MDH1B: variants seen among roughly 807,000 people sequenced by gnomAD.
MDH1B encodes putative malate dehydrogenase 1B.
MDH1B carries 60 observed loss-of-function variants against 61.4 expected under a neutral mutation model. The observed-to-expected ratio is 0.98, with a 90% CI of 0.79 to 1.21. MDH1B has a LOEUF of 1.21. Ranked by LOEUF, MDH1B falls within the 50% of genes most tolerant of loss-of-function variation. MDH1B has a pLI of 0.00. For missense variants in MDH1B, 587 were observed against 632.1 expected (o/e 0.93, Z 0.76); for synonymous variants, 236 against 218.7 (o/e 1.08, Z -0.70).
Position 206,765,281 on chromosome 2 carries a change from A to T in MDH1B, c.-10T>A. On this transcript the variant is annotated 5_prime_UTR_variant, in exon 1 of 12. Coordinates refer to ENST00000374412, the MANE Select transcript of MDH1B (RefSeq NM_001039845.3). ...TGACGAATTTGGCCATGGTCGAGAG[A>T]GACTCAGAGGCAGGGACCGCGGCTT... 6.3e-7 allele frequency: 1 copy of T among 1,599,598 alleles called. No homozygotes were observed. Among genetic ancestry groups the T allele is most frequent in the Non-Finnish European group, 8.5e-7 (1 of 1,175,248 alleles).
chr2:206,748,891 T>G (rs914698483), intron 7 of MDH1B, 129 bp downstream of exon 7: 10 of 703,838 alleles, frequency 1.4e-5, no homozygotes, highest in South Asian at 2.2e-5. Context: ...TGAATGAGTA[T>G]GAAATTGTAA....
chr2:206,753,174 C>A (rs1688550842), intron 5 of MDH1B, among the ~76,000 whole-genome samples: 1 of 152,094 alleles, frequency 6.6e-6, no homozygotes, highest in African/African-American at 2.4e-5. Flanking sequence ...GCAGAGAGAG[C>A]ACAGGTATGT....
At chr2:206,754,210 C>G (rs1688619775) in intron 5 of MDH1B, among the ~76,000 whole-genome samples, 1 of 152,184 alleles carries the variant, frequency 6.6e-6, no homozygotes, top group South Asian at 2.1e-4. Flanking sequence ...TGGGAACATT[C>G]TAGGCTCACA....
chr2:206,751,170 T>C (rs1171838331), intron 5 of MDH1B, 95 bp from the exon 6 acceptor site: 2 of 857,496 alleles, frequency 2.3e-6, no homozygotes, highest in African/African-American at 1.7e-5. Context: ...CATGTTTGTT[T>C]TAGGATTGGT....
intron 5 of MDH1B, among the ~76,000 whole-genome samples, chr2:206,753,681 T>G (rs1399878131): frequency 6.6e-6 from 1 of 152,266 alleles, no homozygotes; most frequent in Non-Finnish European, 1.5e-5. Flanking sequence ...GCTGTCTCTT[T>G]GCTGCCTCAC....
At position 206,755,222 on chromosome 2, in the gene MDH1B, C is replaced by A. The variant is rs752105350; in HGVS notation, c.697G>T (p.Val233Leu). ...FTLEDCLRSR[V>L]PLCRLYGYLI... ...TACCCATAGAGCCTGCAGAGAGGCA[C>A]CCTGCTTCGGAGGCAGTCCTCCAGA... The change falls in exon 5 of 12, where the codon GTG (valine) becomes TTG (leucine). Residue 233 changes from valine to leucine, a missense_variant. By Grantham distance (32) the Val-to-Leu change is conservative. Coordinates refer to ENST00000374412, the MANE Select transcript of MDH1B (RefSeq NM_001039845.3). 1.2e-6 allele frequency: 2 copies of A among 1,614,028 alleles called. No individual in the cohort carries two copies. Among genetic ancestry groups the A allele is most frequent in the African/African-American group, 2.7e-5 (2 of 74,922 alleles).
Position 206,742,994 on chromosome 2 carries a change from T to C in MDH1B, c.1409-1890A>G, listed in dbSNP as rs185484999. On this transcript the variant is annotated intron_variant, in intron 9 of 11. Transcript: ENST00000374412. ...CCTCCCAAAGTGCTGGGATTACAGG[T>C]GTGAGCCACCACGCCCAGCCGATGT... Among the ~76,000 whole-genome samples the C allele has an allele frequency of 3.2e-3, 491 of 151,230 alleles. 4 individuals are homozygous for C. The highest frequency in any genetic ancestry group is 0.011 in the African/African-American group (455 of 41,334).
chr2:206,753,620 C>T (rs139285596), intron 5 of MDH1B, among the ~76,000 whole-genome samples: 1 of 152,162 alleles, frequency 6.6e-6, no homozygotes, highest in African/African-American at 2.4e-5. Flanking sequence ...GAATCATTTC[C>T]TTGGTGGTTT....
At chr2:206,752,235 T>C (rs1048807256) in intron 5 of MDH1B, among the ~76,000 whole-genome samples, 2 of 152,204 alleles carry the variant, frequency 1.3e-5, no homozygotes, top group Non-Finnish European at 2.9e-5. Flanking sequence ...TCTTTTGCCT[T>C]TTCTCTTTTC....
intron 2 of MDH1B, among the ~76,000 whole-genome samples, chr2:206,758,256 C>A (rs1398307424): frequency 6.6e-6 from 1 of 152,156 alleles, no homozygotes; most frequent in Non-Finnish European, 1.5e-5. Flanking sequence ...CAAGACTGGA[C>A]CCTTACAGTG....
chr2:206,757,842 T>A (rs183582386), intron 2 of MDH1B, among the ~76,000 whole-genome samples: 3 of 152,330 alleles, frequency 2.0e-5, no homozygotes, highest in Non-Finnish European at 4.4e-5. Flanking sequence ...ATTTGGAGAT[T>A]TCCGACAATA....
At chr2:206,764,576 T>C (rs1052539518) in intron 1 of MDH1B, among the ~76,000 whole-genome samples, 1 of 152,214 alleles carries the variant, frequency 6.6e-6, no homozygotes, top group Admixed American at 6.5e-5. Context: ...GTTGAGTCCT[T>C]GCTGTCAACC....
At chr2:206,764,334 C>A (rs1689297222) in intron 1 of MDH1B, among the ~76,000 whole-genome samples, 1 of 151,620 alleles carries the variant, frequency 6.6e-6, no homozygotes, top group African/African-American at 2.4e-5. Flanking sequence ...TGGTAGATGT[C>A]AATTGTGTTC....
intron 2 of MDH1B, among the ~76,000 whole-genome samples, chr2:206,759,640 G>A (rs1468652129): frequency 6.6e-6 from 1 of 152,172 alleles, no homozygotes; most frequent in Non-Finnish European, 1.5e-5. Context: ...TGACGGGTAT[G>A]AGATGGAATC....
intron 9 of MDH1B, 125 bp from the exon 10 acceptor site, chr2:206,741,229 A>AT: frequency 1.6e-6 from 2 of 1,257,828 alleles, no homozygotes; most frequent in East Asian, 5.0e-5. Context: ...TAAAAGACAC[A>AT]TTTTACATTA....
At chr2:206,762,894 T>G (rs1044215634) in intron 1 of MDH1B, among the ~76,000 whole-genome samples, 2 of 152,232 alleles carry the variant, frequency 1.3e-5, no homozygotes, top group Non-Finnish European at 2.9e-5. Context: ...TGGTCACTCC[T>G]TTCTATCCTT....
At chr2:206,742,623 A>G (rs1480538725) in intron 9 of MDH1B, among the ~76,000 whole-genome samples, 1 of 151,810 alleles carries the variant, frequency 6.6e-6, no homozygotes, top group East Asian at 1.9e-4. Flanking sequence ...TAACTAGACT[A>G]AAGTCTTGGT....
At position 206,760,998 on chromosome 2, in the gene MDH1B, G is replaced by A; in HGVS notation, c.38C>T (p.Pro13Leu). Residue 13 changes from proline (P) to leucine (L), a missense_variant, in exon 2 of 12, where the codon CCA becomes CTA. By Grantham distance (98) the Pro-to-Leu change is moderately conservative. Transcript: ENST00000374412. ...CACAAGTTCTGTTTTAGCATAATAT[G>A]GACAATCTGCTCTACCTAAAAGAGT... ...KFVIAGRADC[P>L]YYAKTELVAD... 6.3e-7 allele frequency: 1 copy of A among 1,598,304 alleles called. No homozygotes were observed. The highest frequency in any genetic ancestry group is 1.1e-5 in the South Asian group (1 of 90,360).
At chr2:206,741,284 A>G (rs1013084250) in intron 9 of MDH1B, 180 bp from the exon 10 acceptor site, 1 of 764,222 alleles carries the variant, frequency 1.3e-6, no homozygotes. Flanking sequence ...AAACAAAAAA[A>G]TACATGAAAT....
Sources: gnomAD v4.1 joint callset for allele counts (sites outside exome capture counted in the v4.1 genomes callset) on GRCh38, gnomAD v4.1.1 for gene constraint, MANE v1.5 for transcripts, NCBI Gene and HGNC (gene_info 2026-07-23, HGNC 2026-07-21) for gene names.